Variants in EPHA6 observed in about 807,000 individuals in gnomAD.
EPHA6 encodes the protein EPH receptor A6.
Under a neutral mutation model 112.0 loss-of-function variants are expected in EPHA6, and 50 were observed. The ratio of observed to expected loss-of-function variants is 0.45; its 90% confidence interval spans 0.36 to 0.56. The LOEUF is 0.56. EPHA6 is among the 20% of genes least tolerant of loss of function. EPHA6 has a pLI of 0.00. For synonymous variants in EPHA6, 529 were observed against 490.7 expected (o/e 1.08, Z -1.03); for missense variants, 1,280 against 1,417.4 (o/e 0.90, Z 1.56).
intron 1 of EPHA6, among the ~76,000 whole-genome samples, chr3:96,855,288 A>C (rs1277596596): frequency 6.6e-6 from 1 of 152,154 alleles, no homozygotes; most frequent in Non-Finnish European, 1.5e-5. Context: ...CTGCAACCTT[A>C]ATTTTCCTTC....
intron 2 of EPHA6, among the ~76,000 whole-genome samples, chr3:96,981,876 C>A (rs1010611370): frequency 2.0e-5 from 3 of 152,120 alleles, no homozygotes; most frequent in African/African-American, 7.2e-5. Context: ...TGGTAGTTTG[C>A]ATTTCTGTGG....
At chr3:97,412,870 T>C (rs999779791) in intron 6 of EPHA6, among the ~76,000 whole-genome samples, 1 of 152,152 alleles carries the variant, frequency 6.6e-6, no homozygotes, top group South Asian at 2.1e-4. Context: ...ATGTGGGATA[T>C]ACTTGGGGAG....
At chr3:96,915,506 A>G (rs1228215855) in intron 2 of EPHA6, among the ~76,000 whole-genome samples, 2 of 151,980 alleles carry the variant, frequency 1.3e-5, no homozygotes, top group African/African-American at 2.4e-5. Context: ...TTTTACCTAT[A>G]TTTTCAAATT....
intron 10 of EPHA6, among the ~76,000 whole-genome samples, chr3:97,498,178 G>A (rs750408313): frequency 4.6e-5 from 7 of 151,904 alleles, no homozygotes; most frequent in Non-Finnish European, 2.9e-5. Context: ...TCTTTACCCC[G>A]TTATCTATAA....
intron 3 of EPHA6, among the ~76,000 whole-genome samples, chr3:97,169,881 A>C (rs1260908119): frequency 6.6e-6 from 1 of 152,122 alleles, no homozygotes; most frequent in African/African-American, 2.4e-5. Flanking sequence ...GGAGGCTATA[A>C]AAAAGCCAGA....
intron 6 of EPHA6, among the ~76,000 whole-genome samples, chr3:97,431,940 T>C (rs2089535102): frequency 6.6e-6 from 1 of 152,110 alleles, no homozygotes; most frequent in Non-Finnish European, 1.5e-5. Flanking sequence ...TCCAAATCAC[T>C]ATTTTTTACT....
chr3:97,282,075 G>T (rs1052147142), intron 5 of EPHA6, among the ~76,000 whole-genome samples: 2 of 152,126 alleles, frequency 1.3e-5, no homozygotes, highest in Non-Finnish European at 2.9e-5. Context: ...AAACATAGCA[G>T]TTCAGTAATT....
intron 15 of EPHA6, among the ~76,000 whole-genome samples, chr3:97,725,650 C>T (rs1395662493): frequency 3.9e-5 from 6 of 152,126 alleles, no homozygotes; most frequent in Non-Finnish European, 8.8e-5. Flanking sequence ...TCAACCTTAG[C>T]ACTATTGACA....
intron 3 of EPHA6, among the ~76,000 whole-genome samples, chr3:97,005,422 A>G (rs1225352316): frequency 2.6e-5 from 4 of 151,844 alleles, no homozygotes; most frequent in East Asian, 1.9e-4. Context: ...CCGCTTGCCT[A>G]TTGTTGATGT....
Position 97,752,036 on chromosome 3 carries a change from G to T in EPHA6, c.*3335G>T, listed in dbSNP as rs2035915167. Among the ~76,000 whole-genome samples the T allele has an allele frequency of 6.6e-6, 1 of 152,080 alleles. No individual in the cohort carries two copies. Among genetic ancestry groups the T allele is most frequent in the Non-Finnish European group, 1.5e-5 (1 of 67,968 alleles). On this transcript the variant is annotated 3_prime_UTR_variant, in exon 18 of 18. Transcript: ENST00000389672. Reference sequence around the variant, plus strand: ...GCAATCAAATTGCAAAATTTTGGTGGTTTAACACGAATCAAGAATTATAGC... The same window carrying T: ...GCAATCAAATTGCAAAATTTTGGTGTTTTAACACGAATCAAGAATTATAGC...
chr3:96,919,654 T>C (rs1437273847), intron 2 of EPHA6, among the ~76,000 whole-genome samples: 2 of 151,930 alleles, frequency 1.3e-5, no homozygotes, highest in East Asian at 1.9e-4. Flanking sequence ...TAAAGTTTCA[T>C]AGATATAGAA....
chr3:96,940,453 A>G (rs987847825), intron 2 of EPHA6, among the ~76,000 whole-genome samples: 1 of 152,028 alleles, frequency 6.6e-6, no homozygotes, highest in Non-Finnish European at 1.5e-5. Context: ...TTTGCTTGGT[A>G]GATCTTCCTC....
chr3:97,112,040 C>A (rs1374006468), intron 3 of EPHA6, among the ~76,000 whole-genome samples: 1 of 152,110 alleles, frequency 6.6e-6, no homozygotes, highest in Non-Finnish European at 1.5e-5. Context: ...TGAATACATT[C>A]ACTGTGTTTC....
chr3:97,189,175 C>G (rs58569305), intron 3 of EPHA6, among the ~76,000 whole-genome samples: 1 of 151,960 alleles, frequency 6.6e-6, no homozygotes, highest in East Asian at 1.9e-4. Flanking sequence ...CAATTTCTGT[C>G]TTTAAAAAAT....
chr3:96,921,495 C>T (rs897537185), intron 2 of EPHA6, among the ~76,000 whole-genome samples: 3 of 151,772 alleles, frequency 2.0e-5, no homozygotes, highest in Non-Finnish European at 4.4e-5. Context: ...TCAGTGCCTT[C>T]ATAAAACTCT....
At chr3:97,306,755 C>G (rs1048011374) in intron 5 of EPHA6, among the ~76,000 whole-genome samples, 4 of 151,758 alleles carry the variant, frequency 2.6e-5, no homozygotes, top group Non-Finnish European at 4.4e-5. Context: ...TAGGACTAGG[C>G]ACATTAATAT....
chr3:97,158,743 TTA>T (rs1382504267), intron 3 of EPHA6, among the ~76,000 whole-genome samples: 2 of 152,114 alleles, frequency 1.3e-5, no homozygotes, highest in Non-Finnish European at 2.9e-5. Context: ...AATCTGCATT[TTA>T]CATAAGATAA....
intron 2 of EPHA6, among the ~76,000 whole-genome samples, chr3:96,908,267 C>T (rs1050068114): frequency 4.8e-4 from 73 of 151,956 alleles, no homozygotes; most frequent in African/African-American, 1.7e-3. Context: ...ACTGCAATTT[C>T]GTTCCAAGGT....
chr3:97,275,706 C>A (rs1031178010), intron 5 of EPHA6, among the ~76,000 whole-genome samples: 1 of 151,868 alleles, frequency 6.6e-6, no homozygotes, highest in South Asian at 2.1e-4. Context: ...CCTTTTAAAG[C>A]GTGTTGTGGG....
Sources: allele counts gnomAD v4.1 joint callset (sites outside exome capture counted in the v4.1 genomes callset), GRCh38; gene constraint gnomAD v4.1.1; transcripts MANE v1.5; gene names NCBI Gene and HGNC (gene_info 2026-07-23, HGNC 2026-07-21).